The following ETS1 variants were observed in gnomAD, a reference collection of about 807,000 sequenced individuals.
The protein encoded by ETS1 is ETS proto-oncogene 1, transcription factor, also known as protein C-ets-1.
A neutral mutation model predicts 58.6 loss-of-function variants in ETS1; 15 were observed. That is an observed-to-expected ratio of 0.26 (90% confidence interval 0.17 to 0.39). The LOEUF (loss-of-function observed/expected upper bound fraction) is 0.39, where lower values mean the gene tolerates loss of function less well. Ranked by LOEUF, ETS1 falls within the 10% of genes least tolerant of loss-of-function variation. The pLI, the probability that ETS1 is intolerant of heterozygous loss-of-function variation, is 1.00. For synonymous variants in ETS1, 214 were observed against 218.2 expected (o/e 0.98, Z 0.17); for missense variants, 417 against 610.5 (o/e 0.68, Z 3.34).
chr11:128,475,007 C>A (rs1862284556), intron 8 of ETS1, among the ~76,000 whole-genome samples: 1 of 152,264 alleles, frequency 6.6e-6, no homozygotes, highest in Non-Finnish European at 1.5e-5. Context: ...TTAGCCAATT[C>A]ACACTGTCTT....
At chr11:128,485,285 T>A (rs773255904) in intron 6 of ETS1, among the ~76,000 whole-genome samples, 1 of 152,120 alleles carries the variant, frequency 6.6e-6, no homozygotes. Flanking sequence ...CATATCCTCA[T>A]CTCTAAAATG....
intron 2 of ETS1, 24 bp downstream of exon 2, chr11:128,573,038 G>T: frequency 1.9e-6 from 3 of 1,584,770 alleles, no homozygotes; most frequent in Non-Finnish European, 2.6e-6. Flanking sequence ...TGGGCAAAGG[G>T]GCAGGGAAGG....
intron 2 of ETS1, among the ~76,000 whole-genome samples, chr11:128,558,784 C>T (rs1864358097): frequency 6.6e-6 from 1 of 151,794 alleles, no homozygotes. Flanking sequence ...GAAGCAGCTA[C>T]ATTAAATACT....
At chr11:128,477,691 A>G (rs1862359857) in intron 8 of ETS1, among the ~76,000 whole-genome samples, 1 of 152,222 alleles carries the variant, frequency 6.6e-6, no homozygotes, top group African/African-American at 2.4e-5. Context: ...CATTCAGACC[A>G]CAACAATAGG....
In ETS1 at chr11:128,484,790, C is replaced by T. The variant is rs377327897; in HGVS notation, c.862+33G>A. 7 of 1,591,422 alleles carry T rather than the reference C, an allele frequency of 4.4e-6. No homozygotes were observed. In the African/African-American group the frequency reaches 9.5e-5, roughly 21 times the overall value. ...CACAAAGTCAGGTAATTCTTGTAAA[C>T]CCAAGAGCTTTTAGAGAAGAAATAT... On this transcript the variant is annotated intron_variant, in intron 7 of 9. Transcript: ENST00000392668.
chr11:128,522,459 G>C, intron 3 of ETS1: 1 of 607,374 alleles, frequency 1.6e-6, no homozygotes. Flanking sequence ...GTCGGGGCAG[G>C]GCGGGGAGCC....
At chr11:128,540,791 A>T (rs939804596) in intron 3 of ETS1, among the ~76,000 whole-genome samples, 2 of 152,192 alleles carry the variant, frequency 1.3e-5, no homozygotes, top group African/African-American at 4.8e-5. Context: ...GGGATATTTC[A>T]TTCAGATTGG....
At chr11:128,575,530 G>A (rs1190419518) in intron 1 of ETS1, among the ~76,000 whole-genome samples, 1 of 152,186 alleles carries the variant, frequency 6.6e-6, no homozygotes. Context: ...CACGGTCCTG[G>A]GCACTTGAAA....
intron 3 of ETS1, among the ~76,000 whole-genome samples, chr11:128,496,269 G>T (rs988094934): frequency 2.0e-5 from 3 of 152,028 alleles, no homozygotes; most frequent in Non-Finnish European, 4.4e-5. Context: ...AAGTGCCAAT[G>T]TTGGATCACA....
In ETS1 at chr11:128,462,546, T is replaced by G; in HGVS notation, c.1273A>C (p.Lys425Gln). ...AGTTTCTCATAATTCATCTTAGGTT[T>G]GTTTTTCCTCTTTCCCCATCTCCTG... is the stretch of plus-strand genomic sequence containing the variant. ...VARRWGKRKN[K>Q]PKMNYEKLSR... Residue 425 changes from lysine to glutamine, a missense_variant, in exon 10 of 10, where the codon AAA becomes CAA. Lys to Gln is a moderately conservative substitution (Grantham distance 53). Coordinates refer to ENST00000392668, the MANE Select transcript of ETS1 (RefSeq NM_001143820.2). 1 of 1,614,162 alleles carries G rather than the reference T, an allele frequency of 6.2e-7. No homozygotes were observed. The highest frequency in any genetic ancestry group is 8.5e-7 in the Non-Finnish European group (1 of 1,179,986).
At chr11:128,537,176 AC>A (rs957758340) in intron 3 of ETS1, among the ~76,000 whole-genome samples, 5 of 152,254 alleles carry the variant, frequency 3.3e-5, no homozygotes, top group African/African-American at 9.6e-5. Flanking sequence ...AATCACTTTC[AC>A]CTACCAAAGT....
In ETS1 at chr11:128,522,388, G is replaced by A. The variant is rs895799976; in HGVS notation, c.215-31812C>T. ...GCGTTTCTCGCGGCGCCGCGTCTCGGCCGCTGGGTCCGCGCGCCCTGGGCC... is the reference window on the plus strand; with the variant it reads ...GCGTTTCTCGCGGCGCCGCGTCTCGACCGCTGGGTCCGCGCGCCCTGGGCC... On this transcript the variant is annotated intron_variant, in intron 3 of 9. Transcript: ENST00000392668. 32 of 980,826 alleles carry A rather than the reference G, an allele frequency of 3.3e-5. No homozygotes were observed. In the Admixed American group the frequency reaches 1.7e-3, roughly 51 times the overall value. 60.8% of individuals were successfully genotyped at this position (980,826 alleles called of 1,614,324 possible). A position where few individuals can be genotyped will look rare whatever the true frequency, so the allele number is the denominator to read the frequency against.
intron 3 of ETS1, among the ~76,000 whole-genome samples, chr11:128,535,513 G>A (rs953311683): frequency 1.3e-5 from 2 of 152,084 alleles, no homozygotes; most frequent in African/African-American, 4.8e-5. Context: ...TGCCTGAATG[G>A]TATTGCCTAG....
intron 1 of ETS1, among the ~76,000 whole-genome samples, chr11:128,583,763 C>T (rs1319881600): frequency 2.0e-5 from 3 of 152,070 alleles, no homozygotes; most frequent in Admixed American, 2.0e-4. Context: ...ATTTTCCTGA[C>T]ATTTGCACTA....
chr11:128,499,866 T>A (rs1022257952), intron 3 of ETS1, among the ~76,000 whole-genome samples: 2 of 152,066 alleles, frequency 1.3e-5, no homozygotes, highest in African/African-American at 4.8e-5. Flanking sequence ...AGGTGTACGA[T>A]GAGGAGTTTT....
chr11:128,470,865 T>C (rs2135422222), intron 8 of ETS1, among the ~76,000 whole-genome samples: 2 of 152,332 alleles, frequency 1.3e-5, no homozygotes, highest in South Asian at 2.1e-4. Context: ...TTTAGGACTT[T>C]TTTAAGTTAG....
chr11:128,560,732 G>A (rs1417011378), intron 2 of ETS1, among the ~76,000 whole-genome samples: 4 of 152,170 alleles, frequency 2.6e-5, no homozygotes, highest in Non-Finnish European at 5.9e-5. Context: ...TCTATGACAA[G>A]TATTATGTTA....
chr11:128,490,614 A>G, intron 3 of ETS1, 38 bp from the exon 4 acceptor site: 1 of 1,549,058 alleles, frequency 6.5e-7, no homozygotes, highest in Non-Finnish European at 8.9e-7. Flanking sequence ...CAAAAATTAC[A>G]TAGGTAATGA....
chr11:128,545,021 G>T, intron 3 of ETS1, among the ~76,000 whole-genome samples: 1 of 148,044 alleles, frequency 6.8e-6, no homozygotes, highest in Non-Finnish European at 1.5e-5. Flanking sequence ...CTGGTTGGGG[G>T]TGGGGGGGGC....
Sources: allele counts gnomAD v4.1 joint callset (sites outside exome capture counted in the v4.1 genomes callset), GRCh38; gene constraint gnomAD v4.1.1; transcripts MANE v1.5; gene names NCBI Gene and HGNC (gene_info 2026-07-23, HGNC 2026-07-21).